The following ATF7 variants were observed in gnomAD, a reference collection of about 807,000 sequenced individuals.
ATF7 encodes cyclic AMP-dependent transcription factor ATF-7.
A neutral mutation model predicts 50.4 loss-of-function variants in ATF7; 10 were observed. That is an observed-to-expected ratio of 0.20 (90% CI 0.12 to 0.34). The LOEUF (loss-of-function observed/expected upper bound fraction) is 0.34. Among genes scored for constraint, ATF7 ranks in the 10% least tolerant of loss-of-function variants. The probability of loss-of-function intolerance (pLI) is 1.00; values close to 1 mark genes in which losing one functional copy is unlikely to be tolerated. For synonymous variants in ATF7, 201 were observed against 226.4 expected (o/e 0.89, Z 1.01); for missense variants, 465 against 613.9 (o/e 0.76, Z 2.56).
intron 3 of ATF7, among the ~76,000 whole-genome samples, chr12:53,544,824 T>C (rs896862203): frequency 6.6e-6 from 1 of 152,134 alleles, no homozygotes; most frequent in Middle Eastern, 3.2e-3. Context: ...GGATTTTCCA[T>C]GGAAACAGCA....
chr12:53,568,858 T>C (rs1331006269), intron 2 of ATF7, among the ~76,000 whole-genome samples: 3 of 152,130 alleles, frequency 2.0e-5, no homozygotes, highest in Non-Finnish European at 4.4e-5. Context: ...GGCAGGCAGG[T>C]AGGGGCAAAG....
At chr12:53,592,542 G>A (rs1355915815) in intron 2 of ATF7, among the ~76,000 whole-genome samples, 1 of 152,056 alleles carries the variant, frequency 6.6e-6, no homozygotes, top group African/African-American at 2.4e-5. Flanking sequence ...CACATGCTAC[G>A]ATTTAAAGGA....
chr12:53,517,271 G>A lies in ATF7; in HGVS notation c.1318C>T (p.Leu440Phe). The change falls in exon 12 of 12, where the codon CTC (leucine) becomes TTC (phenylalanine). Residue 440 changes from leucine to phenylalanine, a missense_variant. Leu to Phe is a conservative substitution (Grantham distance 22). Transcript: ENST00000420353. ...HSSATAPSNG[L>F]SVRSAAEAVA... ...GCTTCAGCTGCAGAGCGAACACTGAGGCCATTGCTAGGGGCTGTTGCTGAG... is the reference window on the plus strand; with the variant it reads ...GCTTCAGCTGCAGAGCGAACACTGAAGCCATTGCTAGGGGCTGTTGCTGAG... The A allele has an allele frequency of 6.2e-7, 1 of 1,614,076 alleles. No individual in the cohort carries two copies. The highest frequency in any genetic ancestry group is 2.2e-5 in the East Asian group (1 of 44,890).
At chr12:53,583,182 A>C (rs1443280609) in intron 2 of ATF7, among the ~76,000 whole-genome samples, 1 of 152,192 alleles carries the variant, frequency 6.6e-6, no homozygotes, top group African/African-American at 2.4e-5. Flanking sequence ...GCAGGGGGTG[A>C]GCAGCAGGCA....
intron 3 of ATF7, among the ~76,000 whole-genome samples, chr12:53,551,812 T>C (rs1000326417): frequency 2.6e-5 from 4 of 152,252 alleles, no homozygotes; most frequent in Non-Finnish European, 5.9e-5. Context: ...CTTGCTTAGA[T>C]TGAGGTAAAT....
chr12:53,619,711 C>T (rs1050519725), intron 1 of ATF7, among the ~76,000 whole-genome samples: 4 of 150,220 alleles, frequency 2.7e-5, no homozygotes, highest in Non-Finnish European at 4.4e-5. Context: ...ACTCAGGAGG[C>T]GGAGGCAGGA....
intron 4 of ATF7, among the ~76,000 whole-genome samples, chr12:53,542,161 T>C (rs1939604335): frequency 1.4e-5 from 2 of 142,384 alleles, no homozygotes; most frequent in Admixed American, 7.5e-5. Context: ...CGTGGTGGTT[T>C]ACGCCTGTAA....
intron 2 of ATF7, among the ~76,000 whole-genome samples, chr12:53,562,874 G>T (rs1048100309): frequency 3.3e-5 from 5 of 152,102 alleles, no homozygotes; most frequent in African/African-American, 1.2e-4. Flanking sequence ...CAGCAATGGG[G>T]ATTTAAATCA....
rs75295531 is a variant in ATF7 at position 53,619,419 on chromosome 12, A to C, written c.-22+6860T>G. 1.5e-4 allele frequency among the ~76,000 whole-genome samples: 23 copies of C among 150,942 alleles called. No individual in the cohort carries two copies. The East Asian group carries it at 4.5e-3, about 30-fold the overall frequency. On this transcript the variant is annotated intron_variant, in intron 1 of 11. Transcript: ENST00000420353. The stretch of plus-strand genomic sequence containing the variant: ...GGAGAACTCCTTGAACCCAGGAGGC[A>C]GAAGTTGCAGTGAGCTGAGATTACA...
At chr12:53,571,795 G>A (rs938576672) in intron 2 of ATF7, among the ~76,000 whole-genome samples, 64 of 152,038 alleles carry the variant, frequency 4.2e-4, no homozygotes, top group African/African-American at 1.3e-3. Flanking sequence ...GGTTGGGCAC[G>A]GTGGCTCACG....
At chr12:53,604,814 C>A (rs1429819658) in intron 1 of ATF7, among the ~76,000 whole-genome samples, 1 of 152,156 alleles carries the variant, frequency 6.6e-6, no homozygotes, top group Non-Finnish European at 1.5e-5. Flanking sequence ...TTCATTCATT[C>A]ATTAATTCAT....
intron 6 of ATF7, 90 bp from the exon 7 acceptor site, chr12:53,533,349 T>C: frequency 2.7e-6 from 3 of 1,107,734 alleles, no homozygotes; most frequent in Non-Finnish European, 4.0e-6. Context: ...TCCAGTCTTC[T>C]CTAGTTAGGG....
At chr12:53,594,626 G>A (rs1449826326) in intron 2 of ATF7, among the ~76,000 whole-genome samples, 1 of 152,112 alleles carries the variant, frequency 6.6e-6, no homozygotes, top group Non-Finnish European at 1.5e-5. Context: ...GGTGGCTTAC[G>A]CCTGTAATCT....
At chr12:53,587,839 A>ATTTTTTT (rs1487043109) in intron 2 of ATF7, among the ~76,000 whole-genome samples, 3 of 62,992 alleles carry the variant, frequency 4.8e-5, no homozygotes, top group African/African-American at 1.0e-4. Flanking sequence ...ATATATATAT[A>ATTTTTTT]TATATTTTTT....
At chr12:53,564,624 T>C (rs948400451) in intron 2 of ATF7, among the ~76,000 whole-genome samples, 5 of 152,182 alleles carry the variant, frequency 3.3e-5, no homozygotes, top group African/African-American at 1.2e-4. Flanking sequence ...TACACTCCAG[T>C]ATCTGACAAA....
chr12:53,516,628 T>C lies in ATF7; in HGVS notation c.*509A>G, dbSNP rs1364499940. On this transcript the variant is annotated 3_prime_UTR_variant, in exon 12 of 12. Transcript: ENST00000420353. ...AAAAGGAAACGGGTAAATAAGCAGC[T>C]ATGGGAGACCTGAGTCCTGAGTCCA... 1 of 161,700 alleles carries C rather than the reference T, an allele frequency of 6.2e-6. No homozygotes were observed. Among genetic ancestry groups the C allele is most frequent in the Non-Finnish European group, 1.4e-5 (1 of 72,538 alleles). The allele number at this position is 161,700 out of a possible 1,614,324, so 10.0% of individuals were successfully genotyped here. A position where few individuals can be genotyped will look rare whatever the true frequency, so the allele number is the denominator to read the frequency against.
chr12:53,605,060 A>G (rs1318744926), intron 1 of ATF7, among the ~76,000 whole-genome samples: 4 of 152,154 alleles, frequency 2.6e-5, no homozygotes, highest in Non-Finnish European at 4.4e-5. Context: ...GCAACTCCAG[A>G]TTATAAAAAA....
Position 53,543,584 on chromosome 12 carries a change from A to C in ATF7, c.146-136T>G. The C allele has an allele frequency of 3.2e-6, 3 of 945,962 alleles. No homozygotes were observed. The South Asian group carries it at 5.3e-5, about 17-fold the overall frequency. The allele number at this position is 945,962 out of a possible 1,614,324, so 58.6% of individuals were successfully genotyped here. On this transcript the variant is annotated intron_variant, in intron 3 of 11. Transcript: ENST00000420353. ...CTTTGTGTTAGGGCAAATTTGCTTTAATGGAGCTCTAGTAGGCGAAGGCTG... is the reference window on the plus strand; with the variant it reads ...CTTTGTGTTAGGGCAAATTTGCTTTCATGGAGCTCTAGTAGGCGAAGGCTG...
intron 2 of ATF7, among the ~76,000 whole-genome samples, chr12:53,587,025 C>G (rs574327035): frequency 6.6e-6 from 1 of 152,280 alleles, no homozygotes; most frequent in East Asian, 1.9e-4. Context: ...GCTGAATGCA[C>G]AGTTAATTTC....
Sources: gnomAD v4.1 joint callset for allele counts (sites outside exome capture counted in the v4.1 genomes callset) on GRCh38, gnomAD v4.1.1 for gene constraint, MANE v1.5 for transcripts, NCBI Gene and HGNC (gene_info 2026-07-23, HGNC 2026-07-21) for gene names.